Variants in SEM1 observed in about 807,000 individuals in gnomAD.
SEM1 encodes 26S proteasome complex subunit SEM1.
SEM1 carries 3 observed loss-of-function variants against 12.7 expected under a neutral mutation model. The ratio of observed to expected loss-of-function variants is 0.24; its 90% CI spans 0.11 to 0.61. The LOEUF (loss-of-function observed/expected upper bound fraction) is 0.61. Ranked by LOEUF, SEM1 falls within the 20% of genes least tolerant of loss-of-function variation. The pLI, the probability that SEM1 is intolerant of heterozygous loss-of-function variation, is 0.88. For missense variants in SEM1, 59 were observed against 81.3 expected, an observed-to-expected ratio of 0.73 and a Z score of 1.06; for synonymous variants, 30 against 27.8, an observed-to-expected ratio of 1.08 and a Z score of -0.25.
intron 2 of SEM1, among the ~76,000 whole-genome samples, chr7:96,528,262 C>T (rs1410148588): frequency 6.6e-6 from 1 of 152,076 alleles, no homozygotes; most frequent in African/African-American, 2.4e-5. Context: ...GGCGTGATCT[C>T]AGCTCACTTC....
chr7:96,577,603 T>C (rs1207957870), intron 2 of SEM1, among the ~76,000 whole-genome samples: 2 of 152,096 alleles, frequency 1.3e-5, no homozygotes, highest in Non-Finnish European at 2.9e-5. Context: ...TTACATGGAT[T>C]TGGGGATGGA....
chr7:96,567,871 A>G (rs1304551123), intron 2 of SEM1, among the ~76,000 whole-genome samples: 1 of 151,272 alleles, frequency 6.6e-6, no homozygotes, highest in African/African-American at 2.4e-5. Context: ...TCTGTTGGCT[A>G]ATATATTATT....
chr7:96,647,416 A>C (rs1359007498), intron 2 of SEM1: 1 of 152,220 alleles, frequency 6.6e-6, no homozygotes, highest in Non-Finnish European at 1.5e-5. Context: ...AAATATATCC[A>C]GCAAATAGTT....
intron 1 of SEM1, among the ~76,000 whole-genome samples, chr7:96,491,812 G>C (rs1803019955): frequency 6.6e-6 from 1 of 152,094 alleles, no homozygotes; most frequent in Admixed American, 6.6e-5. Flanking sequence ...AAATTGAAGA[G>C]TAATTTTTTT....
intron 2 of SEM1, among the ~76,000 whole-genome samples, chr7:96,557,763 G>A (rs567943839): frequency 4.0e-5 from 6 of 151,618 alleles, no homozygotes; most frequent in Non-Finnish European, 8.8e-5. Flanking sequence ...ATCAAGCCTA[G>A]GCAATGGCGG....
intron 2 of SEM1, chr7:96,645,877 G>A (rs1317445341): frequency 5.0e-6 from 2 of 398,170 alleles, no homozygotes; most frequent in African/African-American, 4.1e-5. Context: ...AATGGAGGTG[G>A]GCATCTTCTC....
downstream of SEM1, among the ~76,000 whole-genome samples, chr7:96,687,791 T>TA (rs1056776364): frequency 2.0e-5 from 3 of 150,828 alleles, no homozygotes; most frequent in Non-Finnish European, 3.0e-5. Flanking sequence ...AATAATAATT[T>TA]AAAAAAAAAG....
chr7:96,604,454 A>C (rs1249118400), intron 2 of SEM1, among the ~76,000 whole-genome samples: 1 of 152,152 alleles, frequency 6.6e-6, no homozygotes, highest in Non-Finnish European at 1.5e-5. Flanking sequence ...ACATTCATGA[A>C]TTTAGCAGTC....
intron 1 of SEM1, chr7:96,695,460 GA>G (rs1163698276): frequency 1.3e-5 from 2 of 151,886 alleles, no homozygotes; most frequent in African/African-American, 4.8e-5. Flanking sequence ...GGTAGTGGTA[GA>G]GGGGAGGTTT....
intron 2 of SEM1, among the ~76,000 whole-genome samples, chr7:96,508,309 T>C (rs1026177712): frequency 3.3e-5 from 5 of 151,960 alleles, no homozygotes; most frequent in African/African-American, 1.2e-4. Context: ...GTACAATTTA[T>C]TAAGAAATAG....
chr7:96,642,300 C>A (rs898814678), intron 2 of SEM1, among the ~76,000 whole-genome samples: 3 of 152,010 alleles, frequency 2.0e-5, no homozygotes, highest in Admixed American at 1.3e-4. Flanking sequence ...AGATATTCTA[C>A]CTAGAGTTTA....
chr7:96,526,589 C>CA (rs1584737984), intron 2 of SEM1, among the ~76,000 whole-genome samples: 1 of 152,112 alleles, frequency 6.6e-6, no homozygotes, highest in African/African-American at 2.4e-5. Flanking sequence ...GCCACCAGGA[C>CA]AAACAAAAGA....
intron 2 of SEM1, among the ~76,000 whole-genome samples, chr7:96,629,267 A>G (rs1346267931): frequency 6.6e-6 from 1 of 152,026 alleles, no homozygotes; most frequent in Non-Finnish European, 1.5e-5. Context: ...TAAGGCCAAC[A>G]ACTCTTAGAT....
chr7:96,521,522 G>T (rs1256261206), intron 2 of SEM1, among the ~76,000 whole-genome samples: 1 of 152,218 alleles, frequency 6.6e-6, no homozygotes, highest in East Asian at 1.9e-4. Context: ...TTACTAAAAT[G>T]ATCTCAAGTT....
intron 2 of SEM1, among the ~76,000 whole-genome samples, chr7:96,548,661 T>C (rs1348273433): frequency 6.6e-6 from 1 of 152,156 alleles, no homozygotes; most frequent in Non-Finnish European, 1.5e-5. Context: ...AACTATCTGG[T>C]TCTTTTAGTT....
intron 2 of SEM1, chr7:96,645,362 G>A (rs1259387685): frequency 1.2e-5 from 2 of 161,958 alleles, no homozygotes; most frequent in Non-Finnish European, 2.7e-5. Flanking sequence ...GTAGAGGTAG[G>A]TTCAGGGAAC....
intron 2 of SEM1, among the ~76,000 whole-genome samples, chr7:96,692,271 A>C (rs965753815): frequency 6.6e-6 from 1 of 152,226 alleles, no homozygotes; most frequent in Non-Finnish European, 1.5e-5. Flanking sequence ...TTTAAGAGAA[A>C]AGTGCTAATG....
Position 96,585,439 on chromosome 7 carries a change from C to G in SEM1, c.171-78741G>C, listed in dbSNP as rs1358411636. 2.0e-5 allele frequency among the ~76,000 whole-genome samples: 3 copies of G among 147,056 alleles called. No individual in the cohort carries two copies. The East Asian group carries it at 5.9e-4, about 29-fold the overall frequency. On this transcript the variant is annotated intron_variant and NMD_transcript_variant, in intron 2 of 3. Transcript: ENST00000466986. Reference sequence around the variant, plus strand: ...CTTTTTGTTTGTCTGTGCCCTGCCCCCAGAGGTGGAGCCTACAGAGGCAGG... The same window carrying G: ...CTTTTTGTTTGTCTGTGCCCTGCCCGCAGAGGTGGAGCCTACAGAGGCAGG...
intron 2 of SEM1, among the ~76,000 whole-genome samples, chr7:96,557,095 C>A (rs10085449): frequency 0.92 from 129,464 of 140,890 alleles, 59,762 homozygotes; most frequent in Non-Finnish European, 0.97. Flanking sequence ...CATTCTTCTA[C>A]ATTTTTTTCA....
Sources: allele counts gnomAD v4.1 joint callset (sites outside exome capture counted in the v4.1 genomes callset), GRCh38; gene constraint gnomAD v4.1.1; transcripts MANE v1.5; gene names NCBI Gene and HGNC (gene_info 2026-07-23, HGNC 2026-07-21).